The following BUD13 variants were observed in gnomAD, a reference collection of about 807,000 sequenced individuals.
BUD13 encodes BUD13 homolog.
A neutral mutation model predicts 62.5 loss-of-function variants in BUD13; 47 were observed. The ratio of observed to expected loss-of-function variants is 0.75; its 90% CI spans 0.60 to 0.96. The LOEUF (loss-of-function observed/expected upper bound fraction) is 0.96. BUD13 is among the 40% of genes least tolerant of loss of function. The pLI is 0.00. For missense variants in BUD13, 821 were observed against 790.9 expected (o/e 1.04, Z -0.46); for synonymous variants, 293 against 280.1 (o/e 1.05, Z -0.46).
intron 2 of BUD13, among the ~76,000 whole-genome samples, chr11:116,768,976 C>T (rs1268353): frequency 0.3 from 44,098 of 146,320 alleles, 7,029 homozygotes; most frequent in South Asian, 0.39. Context: ...GATCATACCA[C>T]TACACTCAAG....
At chr11:116,769,024 A>AG (rs2134185393) in intron 2 of BUD13, among the ~76,000 whole-genome samples, 1 of 152,128 alleles carries the variant, frequency 6.6e-6, no homozygotes, top group East Asian at 1.9e-4. Context: ...CAAAAAAAAA[A>AG]AAAAAAAAAG....
chr11:116,770,349 G>T, intron 1 of BUD13, 127 bp from the exon 2 acceptor site: 2 of 711,230 alleles, frequency 2.8e-6, no homozygotes, highest in Non-Finnish European at 2.2e-6. Context: ...TTGTCTACAA[G>T]GTCAACTTCA....
intron 1 of BUD13, among the ~76,000 whole-genome samples, chr11:116,770,497 CTT>C (rs750220858): frequency 1.4e-4 from 20 of 142,238 alleles, no homozygotes; most frequent in Admixed American, 2.8e-4. Context: ...CAATCTTTTT[CTT>C]TTTTTTTTTT....
At chr11:116,760,650 T>A (rs1285742823) in intron 5 of BUD13, 85 bp downstream of exon 5, 1 of 1,423,756 alleles carries the variant, frequency 7.0e-7, no homozygotes, top group Admixed American at 1.7e-5. Context: ...ACATCCTTCT[T>A]CTTGGCTTGA....
At chr11:116,758,495 C>T in intron 6 of BUD13, 88 bp from the exon 7 acceptor site, 1 of 1,451,374 alleles carries the variant, frequency 6.9e-7, no homozygotes, top group Non-Finnish European at 9.3e-7. Context: ...GATTCTAATG[C>T]TAGATAAGAA....
chr11:116,772,882 G>C lies in BUD13; in HGVS notation c.83C>G (p.Ser28Cys), dbSNP rs1204819465. Residue 28 changes from serine to cysteine, a missense_variant, in exon 1 of 10, where the codon TCT becomes TGT. Ser to Cys is a moderately radical substitution (Grantham distance 112). Around this residue, in one of 2 missense-constraint regions of BUD13, gnomAD observed 800 missense variants for 739.2 expected, o/e 1.08. Transcript: ENST00000260210. ...SGADAGVDRG[S>C]ESGRKRRKKR... Reference sequence around the variant, plus strand: ...TTTGCGACGCTTGCGACCGGACTCAGATCCCCGGTCGACGCCGGCATCTGC... The same window carrying C: ...TTTGCGACGCTTGCGACCGGACTCACATCCCCGGTCGACGCCGGCATCTGC... The C allele has an allele frequency of 1.9e-6, 3 of 1,591,936 alleles. No individual in the cohort carries two copies. The highest frequency in any genetic ancestry group is 2.3e-5 in the East Asian group (1 of 43,166).
rs1381756225 is a variant in BUD13 at position 116,763,274 on chromosome 11, C to T, written c.323-8G>A. The T allele has an allele frequency of 6.6e-7, 1 of 1,523,766 alleles. No individual in the cohort carries two copies. Among genetic ancestry groups the T allele is most frequent in the Non-Finnish European group, 8.8e-7 (1 of 1,137,462 alleles). 94.4% of individuals were successfully genotyped at this position (1,523,766 alleles called of 1,614,324 possible). A position where few individuals can be genotyped will look rare whatever the true frequency, so the allele number is the denominator to read the frequency against. On this transcript the variant is annotated splice_region_variant and splice_polypyrimidine_tract_variant and intron_variant, in intron 3 of 9. Coordinates refer to ENST00000260210, the MANE Select transcript of BUD13 (RefSeq NM_032725.4). ...GTAGGTCTTCGTTGTGGCCTAAACA[C>T]AAATAACAAAGAGTCAGATTCCCAC... is the stretch of plus-strand genomic sequence containing the variant.
At chr11:116,756,217 T>C (rs1219618017) in intron 9 of BUD13, among the ~76,000 whole-genome samples, 1 of 151,288 alleles carries the variant, frequency 6.6e-6, no homozygotes, top group African/African-American at 2.4e-5. Flanking sequence ...TGGTTGGGCA[T>C]GGTGGCTCAC....
chr11:116,762,720 G>T lies in BUD13; in HGVS notation c.869C>A (p.Ala290Asp), dbSNP rs148278125. 4.6e-5 allele frequency: 75 copies of T among 1,614,054 alleles called. No individual in the cohort carries two copies. The highest frequency in any genetic ancestry group is 6.3e-5 in the Non-Finnish European group (74 of 1,180,034). ...AGTCTTGCTAGAGGCTCTTTCTGGGGCTTTACCACTTTTGGTTCTGGGCAG... is the reference window on the plus strand; with the variant it reads ...AGTCTTGCTAGAGGCTCTTTCTGGGTCTTTACCACTTTTGGTTCTGGGCAG... The part of the protein sequence containing the change: ...YSLPRTKSGK[A>D]PERASSKTSP... Residue 290 changes from alanine to aspartate, a missense_variant, in exon 4 of 10, where the codon GCC becomes GAC. Coordinates refer to ENST00000260210, the MANE Select transcript of BUD13 (RefSeq NM_032725.4).
In BUD13 at chr11:116,752,680, T is replaced by G. The variant is rs553125902; in HGVS notation, c.1767-4105A>C. Among the ~76,000 whole-genome samples the G allele has an allele frequency of 5.3e-5, 8 of 152,306 alleles. No individual in the cohort carries two copies. The East Asian group carries it at 1.5e-3, about 29-fold the overall frequency. On this transcript the variant is annotated intron_variant, in intron 9 of 9. Transcript: ENST00000260210. ...CTTCTACCAAAAAGCCTACATACAG[T>G]GAACTGCAAACGGAACTAGTAAGCT...
At position 116,752,915 on chromosome 11, in the gene BUD13, G is replaced by A. The variant is rs1565310920; in HGVS notation, c.1766+4231C>T. On this transcript the variant is annotated intron_variant, in intron 9 of 9. Coordinates refer to ENST00000260210, the MANE Select transcript of BUD13 (RefSeq NM_032725.4). ...CAAATAGCTGGTACTACAGACACAC[G>A]CCACCACACCTGGCTGTTGGATTTT... is the stretch of plus-strand genomic sequence containing the variant. Among the ~76,000 whole-genome samples the A allele has an allele frequency of 3.3e-5, 5 of 152,206 alleles. No homozygotes were observed. In the South Asian group the frequency reaches 6.2e-4, roughly 19 times the overall value.
intron 2 of BUD13, among the ~76,000 whole-genome samples, chr11:116,769,843 T>C (rs1052746223): frequency 9.2e-5 from 14 of 151,778 alleles, no homozygotes; most frequent in African/African-American, 3.4e-4. Context: ...CCTGAGGTCA[T>C]GAGTTCAAGA....
chr11:116,770,192 C>G lies in BUD13; in HGVS notation c.174G>C (p.Trp58Cys). ...GMRIVDDDVS[W>C]TAISTTKLEK... ...CTAGTTTGGTTGTGGAGATAGCTGT[C>G]CAGCTCACATCATCATCCACAATCC... is the stretch of plus-strand genomic sequence containing the variant. The change falls in exon 2 of 10, where the codon TGG (tryptophan) becomes TGC (cysteine). Residue 58 changes from tryptophan to cysteine, a missense_variant. Trp to Cys is a radical substitution (Grantham distance 215). This residue lies in a region of BUD13 where 800 missense variants were observed against 739.2 expected (regional missense o/e 1.08). Transcript: ENST00000260210. The G allele has an allele frequency of 6.2e-7, 1 of 1,613,450 alleles. No individual in the cohort carries two copies.
chr11:116,765,010 A>G (rs535628381), intron 3 of BUD13, among the ~76,000 whole-genome samples: 2 of 152,172 alleles, frequency 1.3e-5, no homozygotes, highest in Non-Finnish European at 2.9e-5. Flanking sequence ...AGTGGTAGCT[A>G]AAGTCCCCAA....
At chr11:116,755,823 C>T (rs1318044000) in intron 9 of BUD13, among the ~76,000 whole-genome samples, 1 of 151,670 alleles carries the variant, frequency 6.6e-6, no homozygotes, top group Non-Finnish European at 1.5e-5. Context: ...TGAATAAATA[C>T]TTTTTAAATG....
intron 3 of BUD13, among the ~76,000 whole-genome samples, chr11:116,763,869 T>TA (rs1940483208): frequency 6.6e-6 from 1 of 152,042 alleles, no homozygotes. Flanking sequence ...AAAATCACCA[T>TA]AAAAAAGAAA....
At chr11:116,765,591 G>A (rs1386238215) in intron 2 of BUD13, 145 bp from the exon 3 acceptor site, 7 of 720,150 alleles carry the variant, frequency 9.7e-6, no homozygotes, top group Non-Finnish European at 1.4e-5. Context: ...AGTAAGTAGG[G>A]GTCTTCAGTT....
chr11:116,772,418 T>G (rs1455602112), intron 1 of BUD13, among the ~76,000 whole-genome samples: 1 of 152,254 alleles, frequency 6.6e-6, no homozygotes, highest in Non-Finnish European at 1.5e-5. Flanking sequence ...CAAAGGTCTC[T>G]GATTCAGAAC....
intron 6 of BUD13, 134 bp from the exon 7 acceptor site, chr11:116,758,541 T>A: frequency 2.4e-6 from 2 of 845,090 alleles, no homozygotes; most frequent in Non-Finnish European, 3.5e-6. Context: ...CCTACCAACA[T>A]CTTGGTGCAT....
Sources: gnomAD v4.1 joint callset for allele counts (sites outside exome capture counted in the v4.1 genomes callset) on GRCh38, gnomAD v4.1.1 for gene constraint, gnomAD v4.1.1 regional missense constraint, MANE v1.5 for transcripts, NCBI Gene and HGNC (gene_info 2026-07-23, HGNC 2026-07-21) for gene names.